DLG2: variants seen among roughly 807,000 people sequenced by gnomAD.
DLG2 encodes discs large MAGUK scaffold protein 2.
Under a neutral mutation model 132.5 loss-of-function variants are expected in DLG2, and 45 were observed. The ratio of observed to expected loss-of-function variants is 0.34; its 90% CI spans 0.27 to 0.44. The LOEUF (loss-of-function observed/expected upper bound fraction) is 0.44. Among genes scored for constraint, DLG2 ranks in the 20% least tolerant of loss-of-function variants. The pLI, the probability that DLG2 is intolerant of heterozygous loss-of-function variation, is 1.00. For missense variants in DLG2, 1,045 were observed against 1,196.9 expected, an observed-to-expected ratio of 0.87 and a Z score of 1.87; for synonymous variants, 424 against 419.6, an observed-to-expected ratio of 1.01 and a Z score of -0.13.
intron 5 of DLG2, among the ~76,000 whole-genome samples, chr11:85,141,086 C>G (rs1197075888): frequency 6.6e-6 from 1 of 151,780 alleles, no homozygotes; most frequent in Non-Finnish European, 1.5e-5. Flanking sequence ...AAATACCTAG[C>G]AATGGGATTG....
At chr11:84,305,058 T>C (rs1438961014) in intron 7 of DLG2, among the ~76,000 whole-genome samples, 1 of 152,142 alleles carries the variant, frequency 6.6e-6, no homozygotes, top group Non-Finnish European at 1.5e-5. Context: ...AAAAAAAAAG[T>C]AGTTTATATT....
intron 7 of DLG2, among the ~76,000 whole-genome samples, chr11:84,446,334 T>C (rs1262240059): frequency 6.6e-6 from 1 of 152,172 alleles, no homozygotes; most frequent in Non-Finnish European, 1.5e-5. Context: ...TTATCTGATA[T>C]TTTTATTCCC....
At chr11:84,492,053 A>T (rs1370207576) in intron 7 of DLG2, among the ~76,000 whole-genome samples, 2 of 152,168 alleles carry the variant, frequency 1.3e-5, no homozygotes, top group Admixed American at 1.3e-4. Flanking sequence ...GAGGTAAAAA[A>T]TTATGACCGA....
intron 5 of DLG2, among the ~76,000 whole-genome samples, chr11:85,123,754 C>G (rs775062252): frequency 6.6e-6 from 1 of 152,176 alleles, no homozygotes; most frequent in Non-Finnish European, 1.5e-5. Context: ...AGCTCGAGAA[C>G]TGAATTACTT....
At chr11:84,190,427 A>T (rs1566875513) in intron 8 of DLG2, among the ~76,000 whole-genome samples, 1 of 152,184 alleles carries the variant, frequency 6.6e-6, no homozygotes. Flanking sequence ...GCAAGTGAAA[A>T]CACGCATTAC....
intron 6 of DLG2, among the ~76,000 whole-genome samples, chr11:84,889,252 A>T (rs1259302726): frequency 6.6e-6 from 1 of 152,166 alleles, no homozygotes; most frequent in Non-Finnish European, 1.5e-5. Flanking sequence ...AGCATTATGG[A>T]TTGTTAAGCG....
chr11:85,582,306 A>C (rs968798257), intron 3 of DLG2, among the ~76,000 whole-genome samples: 9 of 152,086 alleles, frequency 5.9e-5, no homozygotes, highest in African/African-American at 1.7e-4. Flanking sequence ...AATAAGAGGA[A>C]GTGGTAAGTG....
At chr11:85,571,345 T>G (rs2153225563) in intron 3 of DLG2, among the ~76,000 whole-genome samples, 1 of 152,302 alleles carries the variant, frequency 6.6e-6, no homozygotes, top group East Asian at 1.9e-4. Flanking sequence ...TTTGTATTCT[T>G]TGTCATGTGT....
At chr11:84,531,107 C>A (rs1031024792) in intron 7 of DLG2, among the ~76,000 whole-genome samples, 7 of 151,910 alleles carry the variant, frequency 4.6e-5, no homozygotes, top group Non-Finnish European at 8.8e-5. Context: ...CAGAGGGAAA[C>A]TTCGTTTCAA....
chr11:84,237,378 G>C (rs914937068), intron 8 of DLG2, among the ~76,000 whole-genome samples: 1 of 152,166 alleles, frequency 6.6e-6, no homozygotes. Flanking sequence ...AAGAGATACT[G>C]ATTATAATGC....
At chr11:83,952,617 T>C (rs1200197711) in intron 14 of DLG2, among the ~76,000 whole-genome samples, 2 of 152,210 alleles carry the variant, frequency 1.3e-5, no homozygotes, top group African/African-American at 4.8e-5. Context: ...TAGGCTATTA[T>C]ACAGCTACTA....
At chr11:85,381,682 C>G (rs1192810398) in intron 3 of DLG2, among the ~76,000 whole-genome samples, 1 of 151,738 alleles carries the variant, frequency 6.6e-6, no homozygotes, top group Non-Finnish European at 1.5e-5. Context: ...GACTAATACA[C>G]AAACATTAAT....
chr11:85,545,121 T>G (rs1428462216), intron 3 of DLG2, among the ~76,000 whole-genome samples: 1 of 152,230 alleles, frequency 6.6e-6, no homozygotes, highest in African/African-American at 2.4e-5. Flanking sequence ...ATATTGGCTG[T>G]GGGTTTGTCA....
intron 3 of DLG2, among the ~76,000 whole-genome samples, chr11:85,315,082 T>G (rs2080565206): frequency 6.6e-6 from 1 of 151,942 alleles, no homozygotes; most frequent in Non-Finnish European, 1.5e-5. Context: ...TGGGAGGGAT[T>G]AGAGCACATA....
At chr11:84,580,766 T>TA (rs1429965943) in intron 6 of DLG2, among the ~76,000 whole-genome samples, 2 of 152,230 alleles carry the variant, frequency 1.3e-5, no homozygotes, top group Non-Finnish European at 2.9e-5. Flanking sequence ...ATCCTTACCC[T>TA]ACGCAAGATA....
At chr11:84,640,425 G>T (rs142382433) in intron 6 of DLG2, 3 of 446,916 alleles carry the variant, frequency 6.7e-6, no homozygotes, top group African/African-American at 6.2e-5. Context: ...ATTAATCTTT[G>T]AAGGAAACAA....
chr11:85,183,057 CT>C (rs1378424611), intron 4 of DLG2, among the ~76,000 whole-genome samples: 2 of 151,694 alleles, frequency 1.3e-5, no homozygotes, highest in African/African-American at 2.4e-5. Context: ...TTTCTTCATT[CT>C]GGAGGCAAAA....
chr11:83,944,658 C>A (rs915251512), intron 14 of DLG2, among the ~76,000 whole-genome samples: 1 of 152,082 alleles, frequency 6.6e-6, no homozygotes, highest in Admixed American at 6.5e-5. Context: ...CTAACCAATC[C>A]GGAATAGATT....
intron 20 of DLG2, among the ~76,000 whole-genome samples, chr11:83,534,860 T>C (rs1306862614): frequency 6.6e-6 from 1 of 152,210 alleles, no homozygotes; most frequent in African/African-American, 2.4e-5. Flanking sequence ...GGAGAGTCAC[T>C]TGAACCCGGG....
Sources: allele counts gnomAD v4.1 joint callset (sites outside exome capture counted in the v4.1 genomes callset), GRCh38; gene constraint gnomAD v4.1.1; transcripts MANE v1.5; gene names NCBI Gene and HGNC (gene_info 2026-07-23, HGNC 2026-07-21).